The following MTMR8 variants were observed in gnomAD, a reference collection of about 807,000 sequenced individuals.
MTMR8 encodes myotubularin related protein 8, also known as phosphatidylinositol-3,5-bisphosphate 3-phosphatase MTMR8.
A neutral mutation model predicts 39.3 loss-of-function variants in MTMR8; 65 were observed. The ratio of observed to expected loss-of-function variants is 1.65; its 90% confidence interval spans 1.35 to 2.03. The LOEUF (loss-of-function observed/expected upper bound fraction) is 2.03, where lower values mean the gene tolerates loss of function less well. MTMR8 is among the 30% of genes most tolerant of loss of function. The pLI, the probability that MTMR8 is intolerant of heterozygous loss-of-function variation, is 0.00. For synonymous variants in MTMR8, 245 were observed against 185.2 expected (o/e 1.32, Z -2.62); for missense variants, 777 against 538.9 (o/e 1.44, Z -4.37).
At position 64,271,069 on chromosome X, in the gene MTMR8, A is replaced by G. The variant is rs1430552609; in HGVS notation, c.1486T>C (p.Trp496Arg). The G allele has an allele frequency of 8.4e-7, 1 of 1,192,519 alleles. No homozygotes were observed. Among genetic ancestry groups the G allele is most frequent in the Non-Finnish European group, 1.1e-6 (1 of 887,093 alleles). Residue 496 changes from tryptophan to arginine, a missense_variant, in exon 13 of 14, where the codon TGG (tryptophan) becomes CGG (arginine). Physicochemically the swap from Trp to Arg is moderately radical, Grantham distance 101 (BLOSUM62 -3). Transcript: ENST00000374852. ...PSTVPYNIQFWCGMYNRFDKG... is the reference protein window; with the variant it reads ...PSTVPYNIQFRCGMYNRFDKG... Reference sequence around the variant, plus strand: ...TCAAAGCGGTTATACATCCCACACCAGAACCTCAAATAGACAAAAATGGGG... The same window carrying G: ...TCAAAGCGGTTATACATCCCACACCGGAACCTCAAATAGACAAAAATGGGG...
chrX:64,367,215 T>C (rs1320964476), intron 1 of MTMR8, among the ~76,000 whole-genome samples: 4 of 111,982 alleles, frequency 3.6e-5, no homozygotes, highest in African/African-American at 9.7e-5. Flanking sequence ...TCTGAAACTA[T>C]TCAAATCAAT....
intron 1 of MTMR8, among the ~76,000 whole-genome samples, chrX:64,393,555 C>T (rs1569235581): frequency 8.9e-6 from 1 of 111,980 alleles, no homozygotes; most frequent in Non-Finnish European, 1.9e-5. Context: ...TGATTTTGAA[C>T]TAGACAAGTA....
At chrX:64,392,537 T>C (rs898448338) in intron 1 of MTMR8, among the ~76,000 whole-genome samples, 1 of 111,923 alleles carries the variant, frequency 8.9e-6, no homozygotes, top group East Asian at 2.8e-4. Context: ...GGGAGGGGTA[T>C]TGACTGGAAG....
At chrX:64,386,696 T>C (rs1924568831) in intron 1 of MTMR8, among the ~76,000 whole-genome samples, 1 of 111,745 alleles carries the variant, frequency 8.9e-6, no homozygotes, top group Non-Finnish European at 1.9e-5. Flanking sequence ...CAGAAGGATA[T>C]GTAAACATGA....
Position 64,331,762 on chromosome X carries a change from G to A in MTMR8, c.1152-5C>T. The stretch of plus-strand genomic sequence containing the variant: ...TCCCCATCGAGGTGGCCACACCTGA[G>A]AGATGAAAATAAAGGTAAAGAAAGA... On this transcript the variant is annotated splice_region_variant and splice_polypyrimidine_tract_variant and intron_variant, in intron 10 of 13. Transcript: ENST00000374852. 8.4e-7 allele frequency: 1 copy of A among 1,192,724 alleles called. No individual in the cohort carries two copies. The highest frequency in any genetic ancestry group is 1.1e-6 in the Non-Finnish European group (1 of 879,914).
intron 12 of MTMR8, among the ~76,000 whole-genome samples, chrX:64,323,763 T>C (rs920450933): frequency 8.9e-6 from 1 of 112,134 alleles, no homozygotes; most frequent in Admixed American, 9.5e-5. Flanking sequence ...AACAGGAACT[T>C]CTGAAAATTC....
rs376603656 is a variant in MTMR8, at chrX:64,303,743, C to T, written c.1481+25029G>A. 2.7e-5 allele frequency among the ~76,000 whole-genome samples: 3 copies of T among 112,565 alleles called. No homozygotes were observed. In the East Asian group the frequency reaches 8.3e-4, roughly 31 times the overall value. On this transcript the variant is annotated intron_variant, in intron 12 of 13. Transcript: ENST00000374852. ...GTGCCAAATTCCATTTTAGAAGTTT[C>T]CACATCATTTTCATATAAAACAAAG... is the stretch of plus-strand genomic sequence containing the variant.
chrX:64,331,458 C>A (rs1041080742), intron 11 of MTMR8, 99 bp downstream of exon 11: 1 of 719,929 alleles, frequency 1.4e-6, no homozygotes, highest in African/African-American at 2.2e-5. Context: ...TATCTCCTCC[C>A]CTTTCTTGAC....
In MTMR8 at chrX:64,343,633, T is replaced by A; in HGVS notation, c.953A>T (p.Asp318Val). Reference protein sequence around the residue: ...GWLRHIKAIMDAGIFITKAVK... With the variant: ...GWLRHIKAIMVAGIFITKAVK... ...TACCTTTGTAATGAAAATTCCAGCATCCATAATAGCTTTAATGTGTCTTAA... is the reference window on the plus strand; with the variant it reads ...TACCTTTGTAATGAAAATTCCAGCAACCATAATAGCTTTAATGTGTCTTAA... The change falls in exon 8 of 14, where the codon GAT becomes GTT. Residue 318 changes from aspartate (D) to valine (V), a missense_variant. Physicochemically the swap from Asp to Val is radical, Grantham distance 152. Coordinates refer to ENST00000374852, the MANE Select transcript of MTMR8 (RefSeq NM_017677.4). 2 of 1,199,674 alleles carry A rather than the reference T, an allele frequency of 1.7e-6. No homozygotes were observed. The highest frequency in any genetic ancestry group is 3.6e-5 in the South Asian group (2 of 56,272).
chrX:64,269,512 C>A (rs1002337809), intron 13 of MTMR8, among the ~76,000 whole-genome samples: 1 of 111,295 alleles, frequency 9.0e-6, no homozygotes, highest in Non-Finnish European at 1.9e-5. Context: ...TCTGACCCTG[C>A]ATCTGCCTGA....
At chrX:64,282,330 G>A (rs981257907) in intron 12 of MTMR8, among the ~76,000 whole-genome samples, 5 of 110,778 alleles carry the variant, frequency 4.5e-5, no homozygotes, top group Admixed American at 9.7e-5. Context: ...GTGGACACAG[G>A]GAGGGGAACA....
intron 12 of MTMR8, among the ~76,000 whole-genome samples, chrX:64,292,794 C>T (rs1202573058): frequency 9.0e-6 from 1 of 111,081 alleles, no homozygotes; most frequent in African/African-American, 3.3e-5. Flanking sequence ...CAAACTCCAC[C>T]TAATAGGGGA....
chrX:64,348,598 A>G, intron 6 of MTMR8, 62 bp downstream of exon 6: 2 of 1,168,207 alleles, frequency 1.7e-6, no homozygotes, highest in Non-Finnish European at 1.2e-6. Flanking sequence ...GCATGTCTCA[A>G]TATATGAGGA....
intron 12 of MTMR8, among the ~76,000 whole-genome samples, chrX:64,326,969 T>A (rs988845277): frequency 1.4e-4 from 15 of 108,270 alleles, no homozygotes; most frequent in Non-Finnish European, 2.3e-4. Flanking sequence ...GAAAAAAAAA[T>A]GGATGCCCAT....
chrX:64,345,250 C>G, intron 6 of MTMR8, 73 bp from the exon 7 acceptor site: 1 of 1,056,370 alleles, frequency 9.5e-7, no homozygotes. Context: ...ATCTCAATGC[C>G]TCATTCTGAA....
intron 12 of MTMR8, among the ~76,000 whole-genome samples, chrX:64,311,021 T>A (rs1378743857): frequency 8.9e-6 from 1 of 111,853 alleles, no homozygotes; most frequent in Non-Finnish European, 1.9e-5. Context: ...TACCCAGTAA[T>A]GGGATTGCTG....
Position 64,359,124 on chromosome X carries a change from G to A in MTMR8, c.147+281C>T, listed in dbSNP as rs190811826. 6.3e-5 allele frequency among the ~76,000 whole-genome samples: 7 copies of A among 111,018 alleles called. No homozygotes were observed. The East Asian group carries it at 2.0e-3, about 31-fold the overall frequency. ...TTACTTCAAGATGCTTACAAACATA[G>A]TTCAGAAAATTAGCAGAAACTATTC... is the stretch of plus-strand genomic sequence containing the variant. On this transcript the variant is annotated intron_variant, in intron 2 of 13. Coordinates refer to ENST00000374852, the MANE Select transcript of MTMR8 (RefSeq NM_017677.4).
At chrX:64,382,677 A>T (rs779409791) in intron 1 of MTMR8, among the ~76,000 whole-genome samples, 6 of 111,509 alleles carry the variant, frequency 5.4e-5, no homozygotes, top group African/African-American at 2.0e-4. Flanking sequence ...TCCCTGTCTC[A>T]TGCCAGTTTT....
At chrX:64,325,115 T>C (rs1222508667) in intron 12 of MTMR8, among the ~76,000 whole-genome samples, 5 of 111,306 alleles carry the variant, frequency 4.5e-5, no homozygotes, top group Non-Finnish European at 9.4e-5. Flanking sequence ...AATGAAGAAA[T>C]AGAAAATCTG....
Sources: allele counts gnomAD v4.1 joint callset (sites outside exome capture counted in the v4.1 genomes callset), GRCh38; gene constraint gnomAD v4.1.1; transcripts MANE v1.5; gene names NCBI Gene and HGNC (gene_info 2026-07-23, HGNC 2026-07-21).